The following ANKRD13C variants were observed in gnomAD, a reference collection of about 807,000 sequenced individuals.
ANKRD13C encodes ankyrin repeat domain 13C.
In ANKRD13C, 16 loss-of-function variants were observed where a neutral mutation model predicts 65.5. That is an observed-to-expected ratio of 0.24 (90% CI 0.17 to 0.37). The LOEUF is 0.37. ANKRD13C is among the 10% of genes least tolerant of loss of function. The pLI, the probability that ANKRD13C is intolerant of heterozygous loss-of-function variation, is 1.00. For synonymous variants in ANKRD13C, 235 were observed against 238.7 expected, an observed-to-expected ratio of 0.98 and a Z score of 0.14; for missense variants, 503 against 655.9, an observed-to-expected ratio of 0.77 and a Z score of 2.55.
intron 9 of ANKRD13C, among the ~76,000 whole-genome samples, chr1:70,286,256 A>G (rs1679619521): frequency 6.6e-6 from 1 of 152,088 alleles, no homozygotes; most frequent in Non-Finnish European, 1.5e-5. Context: ...AAGATTTATA[A>G]TTGAACTCTG....
intron 9 of ANKRD13C, among the ~76,000 whole-genome samples, chr1:70,278,507 C>T (rs938716605): frequency 8.6e-5 from 13 of 151,902 alleles, no homozygotes; most frequent in African/African-American, 2.9e-4. Flanking sequence ...GGAAACAGAG[C>T]GACTCTATGT....
At chr1:70,344,017 G>A (rs1429048976) in intron 1 of ANKRD13C, among the ~76,000 whole-genome samples, 4 of 152,082 alleles carry the variant, frequency 2.6e-5, no homozygotes, top group African/African-American at 9.7e-5. Flanking sequence ...TTAGCTGGGG[G>A]CTGGGCATGG....
At chr1:70,314,444 C>T (rs1680987041) in intron 4 of ANKRD13C, among the ~76,000 whole-genome samples, 1 of 151,450 alleles carries the variant, frequency 6.6e-6, no homozygotes, top group Non-Finnish European at 1.5e-5. Context: ...AGGCTAGTCT[C>T]GAACTCCTGA....
chr1:70,338,989 A>C (rs1682182459), intron 1 of ANKRD13C, among the ~76,000 whole-genome samples: 1 of 152,160 alleles, frequency 6.6e-6, no homozygotes, highest in Admixed American at 6.5e-5. Flanking sequence ...TGGAAAGCTG[A>C]AGTGAACATC....
At chr1:70,353,882 A>C in intron 1 of ANKRD13C, 97 bp downstream of exon 1, 1 of 1,395,092 alleles carries the variant, frequency 7.2e-7, no homozygotes, top group South Asian at 1.8e-5. Context: ...GGCAAAAAGA[A>C]GAGTCTGCTG....
At chr1:70,312,830 T>C (rs10465863) in intron 5 of ANKRD13C, among the ~76,000 whole-genome samples, 1 of 151,964 alleles carries the variant, frequency 6.6e-6, no homozygotes, top group Non-Finnish European at 1.5e-5. Flanking sequence ...CATATTTGGA[T>C]ATGAAAGTTT....
chr1:70,353,075 TA>T (rs1008984941), intron 1 of ANKRD13C, among the ~76,000 whole-genome samples: 1 of 152,200 alleles, frequency 6.6e-6, no homozygotes, highest in African/African-American at 2.4e-5. Context: ...ATTTTCATAT[TA>T]ATAGCAGAGC....
At chr1:70,314,740 T>TAA (rs560566300) in intron 4 of ANKRD13C, among the ~76,000 whole-genome samples, 2 of 133,818 alleles carry the variant, frequency 1.5e-5, no homozygotes, top group South Asian at 2.4e-4. Context: ...TCTTAAGATC[T>TAA]AAAAAAAAAA....
chr1:70,277,963 G>C (rs1679211108), intron 9 of ANKRD13C, among the ~76,000 whole-genome samples: 1 of 151,592 alleles, frequency 6.6e-6, no homozygotes. Flanking sequence ...AAAGACAGGA[G>C]AATCACTTGA....
chr1:70,279,441 T>G (rs187400854), intron 9 of ANKRD13C, among the ~76,000 whole-genome samples: 236 of 152,110 alleles, frequency 1.6e-3, no homozygotes, highest in Non-Finnish European at 2.9e-3. Context: ...CTCTATAAAT[T>G]TATTGTTCTT....
At chr1:70,324,135 C>A (rs1360929401) in intron 3 of ANKRD13C, among the ~76,000 whole-genome samples, 11 of 152,288 alleles carry the variant, frequency 7.2e-5, no homozygotes, top group Non-Finnish European at 1.3e-4. Context: ...TTTAATAAAA[C>A]TGCCAACGTT....
At chr1:70,322,451 A>G (rs929834691) in intron 3 of ANKRD13C, among the ~76,000 whole-genome samples, 12 of 152,192 alleles carry the variant, frequency 7.9e-5, no homozygotes, top group Admixed American at 3.9e-4. Context: ...TATTATTTAG[A>G]ATGGCTAAGG....
chr1:70,344,170 C>T (rs370961220), intron 1 of ANKRD13C, among the ~76,000 whole-genome samples: 1 of 151,666 alleles, frequency 6.6e-6, no homozygotes, highest in Admixed American at 6.6e-5. Context: ...TGGTGGCAGG[C>T]GCCTGTAGTC....
intron 1 of ANKRD13C, among the ~76,000 whole-genome samples, chr1:70,336,681 T>C (rs906599296): frequency 6.6e-6 from 1 of 152,130 alleles, no homozygotes; most frequent in South Asian, 2.1e-4. Flanking sequence ...CTGCCTAGCA[T>C]TCCAGATTTT....
intron 6 of ANKRD13C, among the ~76,000 whole-genome samples, chr1:70,301,979 A>G (rs1680376274): frequency 6.6e-6 from 1 of 152,016 alleles, no homozygotes; most frequent in Admixed American, 6.6e-5. Flanking sequence ...TGAAAAATCC[A>G]CCCTGGCTAC....
intron 2 of ANKRD13C, among the ~76,000 whole-genome samples, chr1:70,326,710 T>C (rs1258193115): frequency 6.6e-6 from 1 of 152,122 alleles, no homozygotes; most frequent in Non-Finnish European, 1.5e-5. Context: ...ATGTCCACAG[T>C]AGGGCAATAA....
In ANKRD13C at chr1:70,293,283, T is replaced by TA. The variant is rs150555466; in HGVS notation, c.1054-735dup. 6.7e-3 allele frequency among the ~76,000 whole-genome samples: 978 copies of TA among 147,020 alleles called. 10 individuals are homozygous for TA. Among genetic ancestry groups the TA allele is most frequent in the African/African-American group, 0.023 (905 of 40,168 alleles). On this transcript the variant is annotated intron_variant, in intron 8 of 12. Transcript: ENST00000370944. ...TATTCAGAGTTTGAAATACCTTACTTAAAAAAAAAACAAAAAAAAGATAAA... is the reference window on the plus strand; with the variant it reads ...TATTCAGAGTTTGAAATACCTTACTTAAAAAAAAAAACAAAAAAAAGATAAA...
intron 4 of ANKRD13C, among the ~76,000 whole-genome samples, chr1:70,314,110 T>A (rs909693056): frequency 7.2e-5 from 11 of 151,960 alleles, no homozygotes; most frequent in African/African-American, 2.7e-4. Flanking sequence ...TTGTATAACC[T>A]CATAATGGCA....
At chr1:70,332,178 A>T (rs1285473410) in intron 2 of ANKRD13C, among the ~76,000 whole-genome samples, 2 of 152,202 alleles carry the variant, frequency 1.3e-5, no homozygotes, top group Non-Finnish European at 2.9e-5. Context: ...ATCTGTCAAG[A>T]TACTTGTAAA....
Sources: gnomAD v4.1 joint callset for allele counts (sites outside exome capture counted in the v4.1 genomes callset) on GRCh38, gnomAD v4.1.1 for gene constraint, MANE v1.5 for transcripts, NCBI Gene and HGNC (gene_info 2026-07-23, HGNC 2026-07-21) for gene names.